Variants in RAB2B observed in about 807,000 individuals in gnomAD.
RAB2B encodes RAB2B, member RAS oncogene family, also known as ras-related protein Rab-2B.
A neutral mutation model predicts 29.8 loss-of-function variants in RAB2B; 20 were observed. The observed-to-expected ratio is 0.67, with a 90% CI of 0.47 to 0.97. The LOEUF is 0.97. Ranked by LOEUF, RAB2B falls within the 50% of genes least tolerant of loss-of-function variation. RAB2B has a pLI of 0.00. For missense variants in RAB2B, 218 were observed against 272.0 expected (o/e 0.80, Z 1.40); for synonymous variants, 93 against 91.7 (o/e 1.01, Z -0.08).
At chr14:21,476,332 C>T (rs1203404635) in intron 2 of RAB2B, 196 bp downstream of exon 2, 10 of 582,448 alleles carry the variant, frequency 1.7e-5, no homozygotes, top group Non-Finnish European at 3.0e-5. Context: ...AGTTACCTTT[C>T]AATTATATAC....
At chr14:21,462,280 ATTCTAGGG>A in intron 7 of RAB2B, 62 bp downstream of exon 7, 1 of 1,316,138 alleles carries the variant, frequency 7.6e-7, no homozygotes, top group Non-Finnish European at 1.1e-6. Flanking sequence ...TAAGCATTCC[ATTCTAGGG>A]AACCTCCAGT....
rs1225934469 is a variant in RAB2B, at chr14:21,459,979, A to G, written c.*1217T>C. ...GAACAAATGTTTTCTTTAGGTAATA[A>G]TAAGTGGCCACATGTCCCTGACCAA... On this transcript the variant is annotated 3_prime_UTR_variant, in exon 8 of 8. Coordinates refer to ENST00000397762, the MANE Select transcript of RAB2B (RefSeq NM_032846.4). 4 of 341,140 alleles carry G rather than the reference A, an allele frequency of 1.2e-5. No individual in the cohort carries two copies. The highest frequency in any genetic ancestry group is 2.1e-5 in the African/African-American group (1 of 46,520). 21.1% of individuals were successfully genotyped at this position (341,140 alleles called of 1,614,324 possible).
rs1491333157 is a variant in RAB2B at position 21,475,431 on chromosome 14, T to TG, written c.119-498_119-497insC. Among the ~76,000 whole-genome samples, 3 of 7,130 alleles carry TG rather than the reference T, an allele frequency of 4.2e-4. No individual in the cohort carries two copies. In the Non-Finnish European group the frequency reaches 5.1e-3, roughly 12 times the overall value. The allele number at this position is 7,130 out of a possible 152,430, so 4.7% of individuals were successfully genotyped here. On this transcript the variant is annotated intron_variant, in intron 2 of 7. Transcript: ENST00000397762. ...AGAAATAGGTTCTCAGAAACAATAC[T>TG]TTTTTTTTTTTTTTTTTGAGATGGA...
chr14:21,468,534 G>A, intron 4 of RAB2B, 85 bp from the exon 5 acceptor site: 1 of 1,354,218 alleles, frequency 7.4e-7, no homozygotes, highest in Non-Finnish European at 1.0e-6. Context: ...AAGAGGGGAA[G>A]CCATACGTGT....
chr14:21,468,359 C>T lies in RAB2B; in HGVS notation c.360G>A (p.Lys120=), dbSNP rs1890731283. The T allele has an allele frequency of 6.2e-7, 1 of 1,611,728 alleles. No individual in the cohort carries two copies. Among genetic ancestry groups the T allele is most frequent in the Admixed American group, 1.7e-5 (1 of 59,980 alleles). ...TATTCACATGGATACAATTTTACCT[C>T]TTATTCCCAATGAGCATGATAACCA... is the stretch of plus-strand genomic sequence containing the variant. ...SNMVIMLIGN[K]SDLESRRDVK... Residue 120 remains lysine (K), a splice_region_variant and synonymous_variant, in exon 5 of 8, where the codon AAG becomes AAA. Transcript: ENST00000397762.
Position 21,461,000 on chromosome 14 carries a change from C to T in RAB2B, c.*196G>A, listed in dbSNP as rs1890540855. ...ATAGGAGGATAAGAAGAACCCTAAT[C>T]TATAGGGAATGCTCATGTCCCTGAA... On this transcript the variant is annotated 3_prime_UTR_variant, in exon 8 of 8. Transcript: ENST00000397762. The T allele has an allele frequency of 2.2e-6, 1 of 447,678 alleles. No individual in the cohort carries two copies. The highest frequency in any genetic ancestry group is 4.0e-5 in the South Asian group (1 of 24,848). The allele number at this position is 447,678 out of a possible 1,614,324, so 27.7% of individuals were successfully genotyped here. A position where few individuals can be genotyped will look rare whatever the true frequency, so the allele number is the denominator to read the frequency against.
At chr14:21,462,220 AGT>A in intron 7 of RAB2B, 128 bp downstream of exon 7, 1 of 571,146 alleles carries the variant, frequency 1.8e-6, no homozygotes, top group Non-Finnish European at 2.7e-6. Flanking sequence ...AAAAAAAAAA[AGT>A]GTTGAATTGG....
At position 21,476,508 on chromosome 14, in the gene RAB2B, G is replaced by C. The variant is rs758753880; in HGVS notation, c.118+20C>G. 1 of 1,613,624 alleles carries C rather than the reference G, an allele frequency of 6.2e-7. No individual in the cohort carries two copies. The highest frequency in any genetic ancestry group is 8.5e-7 in the Non-Finnish European group (1 of 1,179,948). On this transcript the variant is annotated intron_variant, in intron 2 of 7. Transcript: ENST00000397762. ...TAGTCAGGTTTTATCATCTGTTCTG[G>C]AACAAGTAGATGCACTTACCTATTG... is the stretch of plus-strand genomic sequence containing the variant.
chr14:21,474,722 G>T, intron 3 of RAB2B, 145 bp downstream of exon 3: 3 of 639,484 alleles, frequency 4.7e-6, no homozygotes, highest in Non-Finnish European at 2.8e-6. Flanking sequence ...AACTGTAACA[G>T]AATCAAAAAC....
intron 3 of RAB2B, among the ~76,000 whole-genome samples, chr14:21,470,062 C>T (rs1014409602): frequency 4.6e-5 from 7 of 151,396 alleles, no homozygotes; most frequent in Non-Finnish European, 7.4e-5. Context: ...AGCAATTCTC[C>T]TTGCTTCAGC....
intron 5 of RAB2B, among the ~76,000 whole-genome samples, chr14:21,464,326 G>A (rs1890638099): frequency 6.6e-6 from 1 of 152,176 alleles, no homozygotes; most frequent in African/African-American, 2.4e-5. Flanking sequence ...CTTGAACATG[G>A]GAGGCGGAAG....
chr14:21,476,614 A>AGC lies in RAB2B; in HGVS notation c.47-16_47-15insGC, dbSNP rs1307866391. 2 of 1,613,674 alleles carry AGC rather than the reference A, an allele frequency of 1.2e-6. No homozygotes were observed. The highest frequency in any genetic ancestry group is 1.7e-6 in the Non-Finnish European group (2 of 1,179,972). ...CTTCCCCACACCTGAAAGAGAAAGC[A>AGC]CACTCCCGGAATCACGCAGCCCTGG... is the stretch of plus-strand genomic sequence containing the variant. On this transcript the variant is annotated splice_polypyrimidine_tract_variant and intron_variant, in intron 1 of 7. Transcript: ENST00000397762.
chr14:21,473,614 C>T (rs1198152272), intron 3 of RAB2B, among the ~76,000 whole-genome samples: 1 of 152,222 alleles, frequency 6.6e-6, no homozygotes, highest in East Asian at 1.9e-4. Flanking sequence ...GGCACTGTGG[C>T]TCACGCCTGT....
Position 21,462,391 on chromosome 14 carries a change from A to G in RAB2B, c.502T>C (p.Tyr168His), listed in dbSNP as rs756534731. The change falls in exon 7 of 8, where the codon TAT becomes CAT. Residue 168 changes from tyrosine to histidine, a missense_variant. Physicochemically the swap from Tyr to His is moderately conservative, Grantham distance 83. Transcript: ENST00000397762. ...AATAAACCCTGCTGGATCTTCCTAT[A>G]TATTTCTTTGGCTGTGTTAATGAAG... ...EAFINTAKEI[Y>H]RKIQQGLFDV... is the part of the protein sequence containing the mutation. The G allele has an allele frequency of 1.3e-5, 21 of 1,613,690 alleles. No individual in the cohort carries two copies. The highest frequency in any genetic ancestry group is 4.5e-5 in the East Asian group (2 of 44,834).
chr14:21,462,638 G>A (rs1160257764), intron 6 of RAB2B, among the ~76,000 whole-genome samples: 1 of 151,954 alleles, frequency 6.6e-6, no homozygotes, highest in African/African-American at 2.4e-5. Context: ...TCAGGAGTTC[G>A]AGACCAGCCT....
At chr14:21,461,956 G>A (rs931424536) in intron 7 of RAB2B, among the ~76,000 whole-genome samples, 26 of 152,094 alleles carry the variant, frequency 1.7e-4, no homozygotes, top group African/African-American at 6.0e-4. Context: ...AAGTGGAGGC[G>A]GCAAAGTGCA....
In RAB2B at chr14:21,460,323, C is replaced by T. The variant is rs1391497628; in HGVS notation, c.*873G>A. 3.9e-6 allele frequency: 2 copies of T among 515,904 alleles called. No individual in the cohort carries two copies. Among genetic ancestry groups the T allele is most frequent in the South Asian group, 2.8e-5 (2 of 71,456 alleles). 32.0% of individuals were successfully genotyped at this position (515,904 alleles called of 1,614,324 possible). A position where few individuals can be genotyped will look rare whatever the true frequency, so the allele number is the denominator to read the frequency against. On this transcript the variant is annotated 3_prime_UTR_variant, in exon 8 of 8. Coordinates refer to ENST00000397762, the MANE Select transcript of RAB2B (RefSeq NM_032846.4). The stretch of plus-strand genomic sequence containing the variant: ...TTTATTTAGGCCAGGCACGGTGGCT[C>T]ACACCTGTAATCCAGCACTTTGGGA...
chr14:21,471,627 A>G lies in RAB2B; in HGVS notation c.187-2875T>C, dbSNP rs1055047609. 1.4e-4 allele frequency among the ~76,000 whole-genome samples: 21 copies of G among 150,860 alleles called. 1 individual carries two copies. Among genetic ancestry groups the G allele is most frequent in the African/African-American group, 2.2e-4 (9 of 41,198 alleles). ...AGCAAGACCCTGTCAAAAAAAAAAAAAAAAGAAAAGAAAAGATGCAGCAGC... is the reference window on the plus strand; with the variant it reads ...AGCAAGACCCTGTCAAAAAAAAAAAGAAAAGAAAAGAAAAGATGCAGCAGC... On this transcript the variant is annotated intron_variant, in intron 3 of 7. Transcript: ENST00000397762.
In RAB2B at chr14:21,459,835, G is replaced by A; in HGVS notation, c.*1361C>T. The A allele has an allele frequency of 1.3e-5, 3 of 233,482 alleles. No homozygotes were observed. In the South Asian group the frequency reaches 1.7e-4, roughly 13 times the overall value. 14.5% of individuals were successfully genotyped at this position (233,482 alleles called of 1,614,324 possible). A position where few individuals can be genotyped will look rare whatever the true frequency, so the allele number is the denominator to read the frequency against. ...TATGTCACATTCAGTAAGTAGATTA[G>A]CCTGATTGGAGTAGAAAGTCTAGGT... On this transcript the variant is annotated 3_prime_UTR_variant, in exon 8 of 8. Coordinates refer to ENST00000397762, the MANE Select transcript of RAB2B (RefSeq NM_032846.4).
Sources: gnomAD v4.1 joint callset for allele counts (sites outside exome capture counted in the v4.1 genomes callset) on GRCh38, gnomAD v4.1.1 for gene constraint, MANE v1.5 for transcripts, NCBI Gene and HGNC (gene_info 2026-07-23, HGNC 2026-07-21) for gene names.